Variants in SRCAP observed in about 807,000 individuals in gnomAD.
SRCAP encodes chromatin remodeling protein SRCAP.
A neutral mutation model predicts 263.1 loss-of-function variants in SRCAP; 46 were observed. The observed-to-expected ratio is 0.17, with a 90% CI of 0.14 to 0.22. The LOEUF is 0.22. Ranked by LOEUF, SRCAP falls within the 10% of genes least tolerant of loss-of-function variation. SRCAP has a pLI of 1.00. For missense variants in SRCAP, 3,695 were observed against 4,181.9 expected, an observed-to-expected ratio of 0.88 and a Z score of 3.21; for synonymous variants, 1,813 against 1,662.1, an observed-to-expected ratio of 1.09 and a Z score of -2.21.
At chr16:30,725,296 C>T in intron 25 of SRCAP, 1 of 1,029,658 alleles carries the variant, frequency 9.7e-7, no homozygotes, top group Non-Finnish European at 1.3e-6. Context: ...GTTAGGATTA[C>T]AGGGGTGAGC....
At chr16:30,732,488 C>T (rs944064354) in intron 27 of SRCAP, among the ~76,000 whole-genome samples, 1 of 151,600 alleles carries the variant, frequency 6.6e-6, no homozygotes, top group Non-Finnish European at 1.5e-5. Flanking sequence ...AATAAAAGTT[C>T]AAACTGTGTT....
intron 31 of SRCAP, among the ~76,000 whole-genome samples, chr16:30,735,247 C>T (rs967602113): frequency 4.2e-5 from 6 of 143,180 alleles, no homozygotes; most frequent in African/African-American, 1.3e-4. Flanking sequence ...CCCGGGTTCA[C>T]GCCATTCTCC....
At position 30,739,439 on chromosome 16, in the gene SRCAP, T is replaced by C. The variant is rs1292761572; in HGVS notation, c.9399T>C (p.Thr3133=). The C allele has an allele frequency of 1.2e-6, 2 of 1,614,054 alleles. No individual in the cohort carries two copies. Among genetic ancestry groups the C allele is most frequent in the African/African-American group, 1.3e-5 (1 of 74,944 alleles). Residue 3133 remains threonine (T), a synonymous_variant, in exon 34 of 34, where the codon ACT becomes ACC. Coordinates refer to ENST00000262518, the MANE Select transcript of SRCAP (RefSeq NM_006662.3). ...GGTCTCTAGTCCCCCCACTAGAGAC[T>C]GAGAAGTTGCCTCGCAAACGAGCAG... is the stretch of plus-strand genomic sequence containing the variant. ...RPGSLVPPLE[T]EKLPRKRAGA...
intron 25 of SRCAP, 154 bp downstream of exon 25, chr16:30,725,236 T>A: frequency 5.0e-6 from 7 of 1,400,164 alleles, no homozygotes; most frequent in Non-Finnish European, 5.6e-6. Context: ...AAGTCCCTTC[T>A]CTTCCCTGGG....
chr16:30,708,299 C>T (rs1457934717), intron 6 of SRCAP, among the ~76,000 whole-genome samples: 1 of 152,222 alleles, frequency 6.6e-6, no homozygotes, highest in African/African-American at 2.4e-5. Flanking sequence ...TCCTCAACCT[C>T]CTGGGCTCAC....
At chr16:30,699,864 C>T (rs2052746171) in intron 1 of SRCAP, 44 bp from the exon 2 acceptor site, 1 of 152,132 alleles carries the variant, frequency 6.6e-6, no homozygotes, top group South Asian at 2.1e-4. Context: ...ATTTAAACGT[C>T]TCAAAAAACT....
chr16:30,734,196 AG>A (rs1375095785), intron 30 of SRCAP, 188 bp downstream of exon 30: 1 of 640,240 alleles, frequency 1.6e-6, no homozygotes. Context: ...TACAAAAATT[AG>A]CCGGGCATGG....
chr16:30,726,070 A>T (rs1171229034), intron 25 of SRCAP: 2 of 152,204 alleles, frequency 1.3e-5, no homozygotes, highest in East Asian at 3.8e-4. Context: ...CTAGTCTTGA[A>T]TGACTACCAT....
intron 4 of SRCAP, among the ~76,000 whole-genome samples, chr16:30,704,630 G>A (rs2052806040): frequency 6.6e-6 from 1 of 152,118 alleles, no homozygotes; most frequent in South Asian, 2.1e-4. Flanking sequence ...TTGAGCCCAG[G>A]AGTTCAAGAC....
At position 30,733,868 on chromosome 16, in the gene SRCAP, T is replaced by C. The variant is rs766175730; in HGVS notation, c.6495-26T>C. On this transcript the variant is annotated intron_variant, in intron 29 of 33. Transcript: ENST00000262518. The surrounding 1 kb of genome is among the most constrained non-coding windows in gnomAD (Gnocchi z 5.3). ...GGTTTCCTGGATATATTTGGCTGCT[T>C]ACACACGGCCTTCATCACCCCCTAG... The C allele has an allele frequency of 2.5e-6, 4 of 1,613,350 alleles. No individual in the cohort carries two copies. The African/African-American group carries it at 5.3e-5, about 22-fold the overall frequency.
Position 30,724,646 on chromosome 16 carries a change from G to A in SRCAP, c.5222G>A (p.Gly1741Asp), listed in dbSNP as rs2053045098. The A allele has an allele frequency of 6.2e-7, 1 of 1,613,610 alleles. No individual in the cohort carries two copies. The highest frequency in any genetic ancestry group is 8.5e-7 in the Non-Finnish European group (1 of 1,179,890). Residue 1741 changes from glycine to aspartate, a missense_variant, in exon 25 of 34, where the codon GGT (glycine) becomes GAT (aspartate). Transcript: ENST00000262518. The stretch of plus-strand genomic sequence containing the variant: ...TCTTTGGCACCAGGACCACCACTGG[G>A]TCCAACTCAGACGCTGTCTCTGGCT... The part of the protein sequence containing the change: ...TLSLAPGPPL[G>D]PTQTLSLAPA...
Position 30,712,120 on chromosome 16 carries a change from G to T in SRCAP, c.1778G>T (p.Ser593Ile). Reference sequence around the variant, plus strand: ...ACTGACATTGCTGCAGCAGCTGAAAGTCTCCAGCCCAAGGGTTACACGCTG... The same window carrying T: ...ACTGACATTGCTGCAGCAGCTGAAATTCTCCAGCCCAAGGGTTACACGCTG... ...EITDIAAAAE[S>I]LQPKGYTLAT... is the part of the protein sequence containing the mutation. The change falls in exon 12 of 34, where the codon AGT (serine) becomes ATT (isoleucine). Residue 593 changes from serine (S) to isoleucine (I), a missense_variant. By Grantham distance (142) the Ser-to-Ile change is moderately radical. Around this residue, in one of 12 missense-constraint regions of SRCAP, gnomAD observed 121 missense variants for 330.7 expected, o/e 0.37. Transcript: ENST00000262518. 6.2e-7 allele frequency: 1 copy of T among 1,614,144 alleles called. No individual in the cohort carries two copies. Among genetic ancestry groups the T allele is most frequent in the Non-Finnish European group, 8.5e-7 (1 of 1,180,024 alleles).
At position 30,722,199 on chromosome 16, in the gene SRCAP, C is replaced by T; in HGVS notation, c.3619C>T (p.Leu1207Phe). Residue 1207 changes from leucine to phenylalanine, a missense_variant, in exon 22 of 34, where the codon CTC becomes TTC. Leu to Phe is a conservative substitution (Grantham distance 22, BLOSUM62 0). Coordinates refer to ENST00000262518, the MANE Select transcript of SRCAP (RefSeq NM_006662.3). The part of the protein sequence containing the change: ...PVANAGGSKP[L>F]TFQIQGNKLT... ...GGCTAATGCAGGGGGAAGCAAACCT[C>T]TCACCTTCCAAATCCAGGGCAACAA... The T allele has an allele frequency of 6.2e-7, 1 of 1,614,198 alleles. No individual in the cohort carries two copies. Among genetic ancestry groups the T allele is most frequent in the Non-Finnish European group, 8.5e-7 (1 of 1,180,038 alleles).
intron 25 of SRCAP, among the ~76,000 whole-genome samples, chr16:30,726,788 C>T (rs2053068659): frequency 6.6e-6 from 1 of 152,242 alleles, no homozygotes; most frequent in Non-Finnish European, 1.5e-5. Context: ...GCAACCTCCA[C>T]TTCCCAGGCT....
At chr16:30,700,580 T>G in intron 2 of SRCAP, 36 bp from the exon 3 acceptor site, 29 of 411,148 alleles carry the variant, frequency 7.1e-5, no homozygotes, top group Non-Finnish European at 9.6e-5. Flanking sequence ...TTTAACTGCA[T>G]TTCTGTCTTT....
chr16:30,725,217 C>A, intron 25 of SRCAP, 135 bp downstream of exon 25: 1 of 1,439,708 alleles, frequency 6.9e-7, no homozygotes, highest in South Asian at 1.5e-5. Flanking sequence ...ACTTGAGTGA[C>A]ATTTGGACAA....
Position 30,722,731 on chromosome 16 carries a change from C to T in SRCAP, c.3875C>T (p.Pro1292Leu), listed in dbSNP as rs1436128390. The change falls in exon 23 of 34, where the codon CCG becomes CTG. Residue 1292 changes from proline to leucine, a missense_variant. This residue lies in a region of SRCAP where 1,347 missense variants were observed against 1,304.4 expected (regional missense o/e 1.03). Transcript: ENST00000262518. ...TTPAPTGLSL[P>L]LAANQVPPTM... ...CCTGCCCCTACTGGCCTCAGCCTTC[C>T]GCTTGCTGCTAACCAGGGTGAGGCT... 6.8e-6 allele frequency: 11 copies of T among 1,612,018 alleles called. No homozygotes were observed. Among genetic ancestry groups the T allele is most frequent in the South Asian group, 1.1e-5 (1 of 90,942 alleles).
chr16:30,724,896 G>A lies in SRCAP; in HGVS notation c.5472G>A (p.Val1824=). Residue 1824 remains valine, a synonymous_variant, in exon 25 of 34, where the codon GTG becomes GTA. Transcript: ENST00000262518. ...QSPASQASSL[V]VSASGAAPLP... is the part of the protein sequence containing the mutation. Reference sequence around the variant, plus strand: ...CAGCTTCCCAGGCATCTTCCCTTGTGGTTTCGGCATCTGGTGCCGCTCCCT... The same window carrying A: ...CAGCTTCCCAGGCATCTTCCCTTGTAGTTTCGGCATCTGGTGCCGCTCCCT... 1 of 1,614,194 alleles carries A rather than the reference G, an allele frequency of 6.2e-7. No individual in the cohort carries two copies. Among genetic ancestry groups the A allele is most frequent in the Non-Finnish European group, 8.5e-7 (1 of 1,180,034 alleles).
chr16:30,721,227 C>G lies in SRCAP; in HGVS notation c.3292C>G (p.Arg1098Gly). The G allele has an allele frequency of 6.2e-7, 1 of 1,613,286 alleles. No individual in the cohort carries two copies. Among genetic ancestry groups the G allele is most frequent in the Non-Finnish European group, 8.5e-7 (1 of 1,179,576 alleles). Residue 1098 changes from arginine (R) to glycine (G), a missense_variant, in exon 21 of 34, where the codon CGG (arginine) becomes GGG (glycine). By Grantham distance (125) the Arg-to-Gly change is moderately radical. Transcript: ENST00000262518. ...CCTGGGGGTCCTGAGTGGGACCTCACGGCCTCCCACGCCAACCTTGTCCCT... is the reference window on the plus strand; with the variant it reads ...CCTGGGGGTCCTGAGTGGGACCTCAGGGCCTCCCACGCCAACCTTGTCCCT... Reference protein sequence around the residue: ...SPLGVLSGTSRPPTPTLSLKP... With the variant: ...SPLGVLSGTSGPPTPTLSLKP...
Sources: gnomAD v4.1 joint callset for allele counts (sites outside exome capture counted in the v4.1 genomes callset) on GRCh38, gnomAD v4.1.1 for gene constraint, gnomAD v4.1.1 regional missense constraint, Gnocchi (gnomAD v3.1) non-coding constraint, MANE v1.5 for transcripts, NCBI Gene and HGNC (gene_info 2026-07-23, HGNC 2026-07-21) for gene names.